The following ADGRL3 variants were observed in gnomAD, a reference collection of about 807,000 sequenced individuals.
The protein encoded by ADGRL3 is calcium-independent alpha-latrotoxin receptor 3.
ADGRL3 carries 62 observed loss-of-function variants against 153.5 expected under a neutral mutation model. That is an observed-to-expected ratio of 0.40 (90% CI 0.33 to 0.50). ADGRL3 has a LOEUF of 0.50. Among genes scored for constraint, ADGRL3 ranks in the 20% least tolerant of loss-of-function variants. The pLI, the probability that ADGRL3 is intolerant of heterozygous loss-of-function variation, is 0.47. For synonymous variants in ADGRL3, 710 were observed against 672.5 expected (o/e 1.06, Z -0.86); for missense variants, 1,641 against 1,859.4 (o/e 0.88, Z 2.16).
intron 6 of ADGRL3, among the ~76,000 whole-genome samples, chr4:61,714,999 C>T (rs150966825): frequency 7.9e-5 from 12 of 152,076 alleles, no homozygotes; most frequent in Admixed American, 3.3e-4. Context: ...ATAAGTATTT[C>T]AAGTATTTAA....
At chr4:61,547,228 G>A (rs1359840256) in intron 4 of ADGRL3, among the ~76,000 whole-genome samples, 2 of 150,464 alleles carry the variant, frequency 1.3e-5, no homozygotes, top group Non-Finnish European at 3.0e-5. Context: ...TGCTCTCTGT[G>A]TATCTATCAG....
chr4:61,292,942 G>T (rs553545193), intron 1 of ADGRL3, among the ~76,000 whole-genome samples: 1 of 152,030 alleles, frequency 6.6e-6, no homozygotes, highest in Non-Finnish European at 1.5e-5. Flanking sequence ...TCCTAAGATC[G>T]CCTGTCCAAT....
At chr4:61,859,656 A>G (rs1428118050) in intron 9 of ADGRL3, among the ~76,000 whole-genome samples, 1 of 152,216 alleles carries the variant, frequency 6.6e-6, no homozygotes, top group Non-Finnish European at 1.5e-5. Flanking sequence ...GAAGAAATTT[A>G]AATGTAAATA....
chr4:62,038,262 T>C (rs1215653728), intron 24 of ADGRL3, among the ~76,000 whole-genome samples: 2 of 152,166 alleles, frequency 1.3e-5, no homozygotes, highest in Non-Finnish European at 2.9e-5. Context: ...ACATATAATA[T>C]GGTATGTTTA....
intron 20 of ADGRL3, 141 bp from the exon 21 acceptor site, chr4:61,998,033 T>G (rs2099127792): frequency 4.6e-6 from 2 of 436,804 alleles, no homozygotes; most frequent in African/African-American, 4.1e-5. Context: ...ACTAAAACAC[T>G]AGGCAGTCAT....
At chr4:61,529,406 G>A (rs1200072179) in intron 4 of ADGRL3, among the ~76,000 whole-genome samples, 1 of 152,094 alleles carries the variant, frequency 6.6e-6, no homozygotes, top group Non-Finnish European at 1.5e-5. Flanking sequence ...ATATGTTCTA[G>A]TTTGCTTAGA....
chr4:61,378,236 G>A (rs574363300), intron 1 of ADGRL3, among the ~76,000 whole-genome samples: 1 of 151,994 alleles, frequency 6.6e-6, no homozygotes, highest in African/African-American at 2.4e-5. Flanking sequence ...TTAAATGACT[G>A]GCTAATTTCT....
intron 5 of ADGRL3, among the ~76,000 whole-genome samples, chr4:61,595,505 A>G (rs545409776): frequency 3.3e-5 from 5 of 152,090 alleles, no homozygotes; most frequent in African/African-American, 7.2e-5. Context: ...CCGGCGCCCT[A>G]TCCTACTGTG....
At chr4:61,279,862 T>C (rs761839679) in intron 1 of ADGRL3, among the ~76,000 whole-genome samples, 14 of 152,124 alleles carry the variant, frequency 9.2e-5, no homozygotes, top group Non-Finnish European at 1.3e-4. Context: ...GCCAAGTCAC[T>C]TAACCCCTTT....
chr4:62,014,138 A>G (rs922682171), intron 21 of ADGRL3, among the ~76,000 whole-genome samples: 3 of 152,134 alleles, frequency 2.0e-5, no homozygotes, highest in African/African-American at 7.2e-5. Flanking sequence ...ACAAGAAGAT[A>G]GTAGTAAATA....
At chr4:61,617,778 A>C in intron 5 of ADGRL3, among the ~76,000 whole-genome samples, 1 of 152,108 alleles carries the variant, frequency 6.6e-6, no homozygotes, top group East Asian at 1.9e-4. Context: ...CATGCTCCAT[A>C]TTTTCTTCCC....
intron 9 of ADGRL3, among the ~76,000 whole-genome samples, chr4:61,882,292 A>G (rs1334192828): frequency 6.6e-6 from 1 of 152,194 alleles, no homozygotes; most frequent in Admixed American, 6.5e-5. Flanking sequence ...AAGGGCTACC[A>G]TGTGCCAGTG....
At chr4:61,425,329 A>T (rs1204979415) in intron 2 of ADGRL3, 1 of 152,278 alleles carries the variant, frequency 6.6e-6, no homozygotes, top group Non-Finnish European at 1.5e-5. Context: ...CATTCCAGGC[A>T]TCGCCCATGG....
intron 15 of ADGRL3, 50 bp downstream of exon 15, chr4:61,936,095 T>C (rs2098837096): frequency 1.3e-6 from 2 of 1,595,374 alleles, no homozygotes; most frequent in African/African-American, 2.7e-5. Flanking sequence ...CTTGCATCAG[T>C]TCATTTCTTT....
chr4:61,343,796 C>T (rs1298930928), intron 1 of ADGRL3, among the ~76,000 whole-genome samples: 4 of 152,184 alleles, frequency 2.6e-5, no homozygotes, highest in Non-Finnish European at 2.9e-5. Context: ...ATTTCTCAAC[C>T]TATTTGCCTA....
At chr4:61,301,248 A>G (rs2094573083) in intron 1 of ADGRL3, among the ~76,000 whole-genome samples, 1 of 152,232 alleles carries the variant, frequency 6.6e-6, no homozygotes, top group Non-Finnish European at 1.5e-5. Context: ...TTTATTATAA[A>G]TACACAAACG....
chr4:61,550,513 A>C (rs1221592084), intron 4 of ADGRL3, among the ~76,000 whole-genome samples: 2 of 152,078 alleles, frequency 1.3e-5, no homozygotes, highest in Non-Finnish European at 2.9e-5. Flanking sequence ...TGACAATAAA[A>C]TATTATGGCA....
At chr4:61,291,212 ACACACG>A (rs1453880925) in intron 1 of ADGRL3, among the ~76,000 whole-genome samples, 9 of 24,938 alleles carry the variant, frequency 3.6e-4, no homozygotes, top group East Asian at 1.7e-3. Context: ...ACACACACAC[ACACACG>A]CACACACACA....
At chr4:61,368,487 TC>T (rs2096453477) in intron 1 of ADGRL3, among the ~76,000 whole-genome samples, 1 of 152,164 alleles carries the variant, frequency 6.6e-6, no homozygotes, top group Non-Finnish European at 1.5e-5. Context: ...AAATGGGGAA[TC>T]CTTTCCCCAT....
Sources: allele counts gnomAD v4.1 joint callset (sites outside exome capture counted in the v4.1 genomes callset), GRCh38; gene constraint gnomAD v4.1.1; transcripts MANE v1.5; gene names NCBI Gene and HGNC (gene_info 2026-07-23, HGNC 2026-07-21).